The following PDE1A variants were observed in gnomAD, a reference collection of about 807,000 sequenced individuals.
PDE1A encodes the protein dual specificity calcium/calmodulin-dependent 3',5'-cyclic nucleotide phosphodiesterase 1A.
In PDE1A, 35 loss-of-function variants were observed where a neutral mutation model predicts 61.7. That is an observed-to-expected ratio of 0.57 (90% CI 0.43 to 0.75). The LOEUF (loss-of-function observed/expected upper bound fraction) is 0.75, where lower values mean the gene tolerates loss of function less well. Among genes scored for constraint, PDE1A ranks in the 30% least tolerant of loss-of-function variants. PDE1A has a pLI of 0.00. For missense variants in PDE1A, 597 were observed against 630.6 expected, an observed-to-expected ratio of 0.95 and a Z score of 0.57; for synonymous variants, 232 against 213.2, an observed-to-expected ratio of 1.09 and a Z score of -0.77.
chr2:182,697,456 TGA>T, the PDE1A span, among the ~76,000 whole-genome samples: 2 of 152,208 alleles, frequency 1.3e-5, no homozygotes, highest in African/African-American at 4.8e-5. Context: ...TCAGTTTCCA[TGA>T]GGACACTGCT....
chr2:182,685,302 C>A, the PDE1A span, among the ~76,000 whole-genome samples: 2 of 152,054 alleles, frequency 1.3e-5, no homozygotes, highest in Admixed American at 6.6e-5. Context: ...AACAAAAGGA[C>A]ATTCTCTGCT....
rs572868497 is a variant in PDE1A at position 182,384,488 on chromosome 2, T to TAAA, written c.53+42087_53+42089dup. Among the ~76,000 whole-genome samples the TAAA allele has an allele frequency of 5.1e-4, 73 of 143,810 alleles. 1 individual carries two copies. In the South Asian group the frequency reaches 0.013, roughly 26 times the overall value. 94.3% of individuals were successfully genotyped at this position (143,810 alleles called of 152,430 possible). On this transcript the variant is annotated intron_variant, in intron 1 of 13. Transcript: ENST00000351439. Reference sequence around the variant, plus strand: ...ATAATAATAATAATAATAATAATAATAAAATAGAAATCCAGGAGCTGAAAA... The same window carrying TAAA: ...ATAATAATAATAATAATAATAATAATAAAAAAATAGAAATCCAGGAGCTGAAAA...
At chr2:182,239,888 C>A (rs1467236187) in intron 3 of PDE1A, among the ~76,000 whole-genome samples, 3 of 152,120 alleles carry the variant, frequency 2.0e-5, no homozygotes, top group African/African-American at 7.2e-5. Flanking sequence ...TGCTTTCAGT[C>A]TTCATGTCAA....
intron 1 of PDE1A, among the ~76,000 whole-genome samples, chr2:182,385,077 AT>A (rs1700951090): frequency 6.6e-6 from 1 of 152,206 alleles, no homozygotes. Context: ...ACAAAGCTTT[AT>A]AAATGAAGGC....
chr2:182,488,410 A>G (rs1688162728), intron 2 of PDE1A, among the ~76,000 whole-genome samples: 1 of 152,238 alleles, frequency 6.6e-6, no homozygotes, highest in Admixed American at 6.5e-5. Flanking sequence ...AATAAGCTAG[A>G]TAATGATATC....
At chr2:182,342,543 C>G (rs1574402807) in intron 1 of PDE1A, among the ~76,000 whole-genome samples, 1 of 152,100 alleles carries the variant, frequency 6.6e-6, no homozygotes, top group East Asian at 1.9e-4. Context: ...ATTAGACTGG[C>G]GTGGTAACAC....
At chr2:182,275,757 A>G (rs1335924255) in intron 1 of PDE1A, among the ~76,000 whole-genome samples, 1 of 152,096 alleles carries the variant, frequency 6.6e-6, no homozygotes, top group Non-Finnish European at 1.5e-5. Flanking sequence ...CATCAACTAG[A>G]TTTGCTTCTA....
At chr2:182,433,883 T>C (rs772318915) in intron 2 of PDE1A, among the ~76,000 whole-genome samples, 4 of 152,114 alleles carry the variant, frequency 2.6e-5, no homozygotes, top group Non-Finnish European at 5.9e-5. Context: ...CTTTTCCTTC[T>C]GTTTGAAATG....
At chr2:182,671,451 G>A in the PDE1A span, among the ~76,000 whole-genome samples, 1 of 145,270 alleles carries the variant, frequency 6.9e-6, no homozygotes, top group Non-Finnish European at 1.5e-5. Context: ...ACCTCCCAAA[G>A]TGCTGAGATT....
intron 7 of PDE1A, among the ~76,000 whole-genome samples, chr2:182,211,434 T>C (rs886629442): frequency 5.3e-5 from 8 of 152,230 alleles, no homozygotes; most frequent in Admixed American, 5.2e-4. Flanking sequence ...GTAGCAAGTC[T>C]TAAAGTTAGG....
chr2:182,387,752 C>A (rs1701197570), intron 1 of PDE1A, among the ~76,000 whole-genome samples: 1 of 148,238 alleles, frequency 6.7e-6, no homozygotes. Flanking sequence ...AGTAAAACTC[C>A]ATCTTAAAAA....
intron 2 of PDE1A, among the ~76,000 whole-genome samples, chr2:182,482,197 GT>G (rs2125847899): frequency 6.6e-6 from 1 of 152,012 alleles, no homozygotes; most frequent in Non-Finnish European, 1.5e-5. Flanking sequence ...AATGTAGGAA[GT>G]AAAAAGTAGA....
intron 1 of PDE1A, among the ~76,000 whole-genome samples, chr2:182,418,567 C>A (rs1703068273): frequency 6.6e-6 from 1 of 152,058 alleles, no homozygotes; most frequent in East Asian, 1.9e-4. Context: ...TTTTCTTCAA[C>A]AGCGGAATGA....
At chr2:182,713,257 T>A in the PDE1A span, among the ~76,000 whole-genome samples, 1 of 152,360 alleles carries the variant, frequency 6.6e-6, no homozygotes, top group Admixed American at 6.5e-5. Context: ...CAGATTTGTT[T>A]GAATAATTGA....
chr2:182,287,536 T>C (rs1694247960), intron 1 of PDE1A, among the ~76,000 whole-genome samples: 1 of 152,158 alleles, frequency 6.6e-6, no homozygotes, highest in Non-Finnish European at 1.5e-5. Flanking sequence ...GGCACAGGGC[T>C]ACTTGAGTAA....
At chr2:182,243,395 G>A (rs569688985) in intron 2 of PDE1A, among the ~76,000 whole-genome samples, 19 of 152,270 alleles carry the variant, frequency 1.2e-4, no homozygotes, top group Non-Finnish European at 2.2e-4. Flanking sequence ...AAGTCTGGGG[G>A]AAGTCTGTTC....
the PDE1A span, among the ~76,000 whole-genome samples, chr2:182,670,873 A>G: frequency 6.6e-6 from 1 of 152,154 alleles, no homozygotes; most frequent in Admixed American, 6.5e-5. Context: ...GCTGGAGTGC[A>G]GTGGTGTGAT....
chr2:182,580,705 T>C, the PDE1A span, among the ~76,000 whole-genome samples: 1 of 152,150 alleles, frequency 6.6e-6, no homozygotes, highest in Middle Eastern at 3.2e-3. Flanking sequence ...AGGAATAACG[T>C]AGGTTTTTAA....
exon 14 of PDE1A, chr2:182,168,124 T>C: frequency 7.0e-7 from 1 of 1,425,448 alleles, no homozygotes. Flanking sequence ...TTGAGCAATC[T>C]GCAAAAATAG....
Sources: allele counts gnomAD v4.1 joint callset (sites outside exome capture counted in the v4.1 genomes callset), GRCh38; gene constraint gnomAD v4.1.1; transcripts MANE v1.5; gene names NCBI Gene and HGNC (gene_info 2026-07-23, HGNC 2026-07-21).